Variants in PLXDC1 observed in about 807,000 individuals in gnomAD.
The protein encoded by PLXDC1 is plexin domain containing 1.
PLXDC1 carries 39 observed loss-of-function variants against 61.3 expected under a neutral mutation model. That is an observed-to-expected ratio of 0.64 (90% CI 0.49 to 0.83). The LOEUF (loss-of-function observed/expected upper bound fraction) is 0.83. Ranked by LOEUF, PLXDC1 falls within the 40% of genes least tolerant of loss-of-function variation. The pLI is 0.00. For synonymous variants in PLXDC1, 212 were observed against 254.5 expected, an observed-to-expected ratio of 0.83 and a Z score of 1.59; for missense variants, 596 against 666.5, an observed-to-expected ratio of 0.89 and a Z score of 1.17.
At chr17:39,078,170 G>A in intron 10 of PLXDC1, 122 bp from the exon 11 acceptor site, 16 of 940,922 alleles carry the variant, frequency 1.7e-5, no homozygotes, top group Non-Finnish European at 2.5e-5. Flanking sequence ...TCAAGGAAGG[G>A]GCTGAGATGC....
chr17:39,112,453 C>T (rs369553957), intron 2 of PLXDC1, among the ~76,000 whole-genome samples: 6 of 107,596 alleles, frequency 5.6e-5, no homozygotes, highest in East Asian at 2.5e-4. Context: ...CTTTTTTTTT[C>T]TTTCTTTTTT....
chr17:39,107,966 CT>C, intron 5 of PLXDC1, 156 bp downstream of exon 5: 1 of 890,216 alleles, frequency 1.1e-6, no homozygotes, highest in South Asian at 1.6e-5. Context: ...ATTTTTGCCC[CT>C]ATCTGACAGG....
chr17:39,139,926 C>T, intron 1 of PLXDC1, 94 bp from the exon 2 acceptor site: 1 of 1,232,678 alleles, frequency 8.1e-7, no homozygotes, highest in African/African-American at 1.5e-5. Context: ...GCCCCAACAC[C>T]ATGCCACTGT....
intron 2 of PLXDC1, among the ~76,000 whole-genome samples, chr17:39,113,987 T>A (rs2082227996): frequency 1.3e-5 from 2 of 152,198 alleles, no homozygotes; most frequent in Non-Finnish European, 2.9e-5. Flanking sequence ...AGTGGAACCT[T>A]CTGAAAGAGA....
chr17:39,108,654 GGCTGT>G, intron 4 of PLXDC1: 1 of 557,042 alleles, frequency 1.8e-6, no homozygotes, highest in Non-Finnish European at 3.2e-6. Flanking sequence ...CGGGACACAG[GGCTGT>G]CCACACTGAC....
intron 7 of PLXDC1, among the ~76,000 whole-genome samples, chr17:39,101,176 C>A (rs1465046592): frequency 6.6e-6 from 1 of 152,200 alleles, no homozygotes; most frequent in Non-Finnish European, 1.5e-5. Context: ...GAAAACAGCT[C>A]TACTAGCTTA....
chr17:39,109,289 T>A lies in PLXDC1; in HGVS notation c.358A>T (p.Lys120Ter). The A allele has an allele frequency of 6.2e-7, 1 of 1,611,686 alleles. No individual in the cohort carries two copies. The highest frequency in any genetic ancestry group is 8.5e-7 in the Non-Finnish European group (1 of 1,179,262). Reference sequence around the variant, plus strand: ...GTGTTGGAGAGTATTGTGTGGATCTTCACTTGGCTCCGGTTGGCCTCGGCC... The same window carrying A: ...GTGTTGGAGAGTATTGTGTGGATCTACACTTGGCTCCGGTTGGCCTCGGCC... The part of the protein sequence containing the change: ...DVAEANRSQV[K>*]IHTILSNTHR... Residue 120 changes from lysine (K) to a stop codon, truncating the protein, a stop_gained, in exon 3 of 14, where the codon AAG becomes TAG. Coordinates refer to ENST00000315392, the MANE Select transcript of PLXDC1 (RefSeq NM_020405.5). LOFTEE classifies it high-confidence loss of function.
chr17:39,113,688 A>G (rs138110635), intron 2 of PLXDC1, among the ~76,000 whole-genome samples: 1 of 152,144 alleles, frequency 6.6e-6, no homozygotes, highest in East Asian at 1.9e-4. Flanking sequence ...AAAAAATACA[A>G]TAAAATAAAA....
At chr17:39,091,550 T>G (rs1233537902) in intron 7 of PLXDC1, among the ~76,000 whole-genome samples, 1 of 151,318 alleles carries the variant, frequency 6.6e-6, no homozygotes, top group African/African-American at 2.4e-5. Flanking sequence ...CTGGACAGAG[T>G]GGGTGGGATG....
chr17:39,144,513 G>A (rs1485238074), intron 1 of PLXDC1, among the ~76,000 whole-genome samples: 2 of 152,174 alleles, frequency 1.3e-5, no homozygotes, highest in Non-Finnish European at 2.9e-5. Flanking sequence ...CTGTTGCCTG[G>A]GACAGGACGT....
At chr17:39,077,184 A>G (rs1909372445) in intron 11 of PLXDC1, among the ~76,000 whole-genome samples, 1 of 152,076 alleles carries the variant, frequency 6.6e-6, no homozygotes, top group South Asian at 2.1e-4. Flanking sequence ...CAGGGTATTG[A>G]AAAAGGATAA....
chr17:39,083,331 G>A (rs1909628610), intron 9 of PLXDC1, 128 bp downstream of exon 9: 2 of 733,462 alleles, frequency 2.7e-6, no homozygotes, highest in Non-Finnish European at 4.9e-6. Flanking sequence ...CCAAGAGTCA[G>A]AGTGGTACTG....
chr17:39,110,582 C>T (rs1242383857), intron 2 of PLXDC1, among the ~76,000 whole-genome samples: 2 of 152,184 alleles, frequency 1.3e-5, no homozygotes, highest in Non-Finnish European at 2.9e-5. Context: ...AGGCAGGTTC[C>T]CTTGGCAGCC....
chr17:39,073,403 T>C (rs546441287), intron 11 of PLXDC1: 1 of 152,374 alleles, frequency 6.6e-6, no homozygotes, highest in South Asian at 2.1e-4. Flanking sequence ...TCATCAAAAC[T>C]AAGCAAAGGA....
chr17:39,147,820 G>T (rs73983241), intron 1 of PLXDC1, among the ~76,000 whole-genome samples: 2 of 152,144 alleles, frequency 1.3e-5, no homozygotes, highest in Admixed American at 6.5e-5. Context: ...TTATTGAGTC[G>T]CAGGCACTGT....
At chr17:39,110,550 G>A (rs1418487718) in intron 2 of PLXDC1, among the ~76,000 whole-genome samples, 3 of 152,202 alleles carry the variant, frequency 2.0e-5, no homozygotes, top group East Asian at 1.9e-4. Context: ...AGCACCAGCC[G>A]CAGGAGGAAT....
At chr17:39,100,231 T>C (rs1910373327) in intron 7 of PLXDC1, among the ~76,000 whole-genome samples, 1 of 152,078 alleles carries the variant, frequency 6.6e-6, no homozygotes, top group Non-Finnish European at 1.5e-5. Context: ...TGACCCTGGC[T>C]AACACTTTTT....
rs376111260 is a variant in PLXDC1, at chr17:39,069,816, A to G, written c.1383+40T>C. 46 of 1,569,976 alleles carry G rather than the reference A, an allele frequency of 2.9e-5. No homozygotes were observed. In the African/African-American group the frequency reaches 4.6e-4, roughly 16 times the overall value. ...CGAATGGCCCAGGAGACGCCGACGC[A>G]GAAGCAGACAGGAGCCCTGTGGCCA... On this transcript the variant is annotated intron_variant, in intron 13 of 13. Coordinates refer to ENST00000315392, the MANE Select transcript of PLXDC1 (RefSeq NM_020405.5).
intron 12 of PLXDC1, among the ~76,000 whole-genome samples, chr17:39,071,679 G>A (rs1909123473): frequency 6.6e-6 from 1 of 152,126 alleles, no homozygotes; most frequent in African/African-American, 2.4e-5. Flanking sequence ...TGCACAGCGA[G>A]GGGATTATGG....
Sources: allele counts gnomAD v4.1 joint callset (sites outside exome capture counted in the v4.1 genomes callset), GRCh38; gene constraint gnomAD v4.1.1; transcripts MANE v1.5; gene names NCBI Gene and HGNC (gene_info 2026-07-23, HGNC 2026-07-21).